CNTN4: variants seen among roughly 807,000 people sequenced by gnomAD.
CNTN4 encodes contactin-4.
Under a neutral mutation model 122.5 loss-of-function variants are expected in CNTN4, and 77 were observed. That is an observed-to-expected ratio of 0.63 (90% CI 0.52 to 0.76). The LOEUF (loss-of-function observed/expected upper bound fraction) is 0.76. Among genes scored for constraint, CNTN4 ranks in the 30% least tolerant of loss-of-function variants. CNTN4 has a pLI of 0.00. For missense variants in CNTN4, 1,256 were observed against 1,259.1 expected (o/e 1.00, Z 0.04); for synonymous variants, 512 against 447.0 (o/e 1.15, Z -1.83).
intron 13 of CNTN4, among the ~76,000 whole-genome samples, chr3:2,953,517 C>A (rs1277609960): frequency 1.3e-5 from 2 of 151,878 alleles, no homozygotes; most frequent in Non-Finnish European, 2.9e-5. Flanking sequence ...CTAAACTGAC[C>A]CGGGGCACAG....
chr3:2,743,547 A>G (rs1025485958), intron 5 of CNTN4, among the ~76,000 whole-genome samples: 2 of 152,178 alleles, frequency 1.3e-5, no homozygotes, highest in South Asian at 2.1e-4. Context: ...ATGAATAAAC[A>G]TGTGTTGCTA....
chr3:2,833,958 G>A (rs922206130), intron 7 of CNTN4, among the ~76,000 whole-genome samples: 8 of 151,984 alleles, frequency 5.3e-5, no homozygotes, highest in East Asian at 1.9e-4. Flanking sequence ...TGGCTAACAC[G>A]GTGAAACCCC....
intron 10 of CNTN4, among the ~76,000 whole-genome samples, chr3:2,890,897 T>C (rs1198330197): frequency 3.9e-5 from 6 of 152,232 alleles, no homozygotes; most frequent in African/African-American, 1.4e-4. Flanking sequence ...AAAAACTTCC[T>C]AAAAATAGAT....
intron 2 of CNTN4, among the ~76,000 whole-genome samples, chr3:2,272,496 G>C (rs987004437): frequency 1.1e-4 from 16 of 152,042 alleles, no homozygotes; most frequent in African/African-American, 3.9e-4. Context: ...TGTGTAGTTT[G>C]GTTGTCTTAC....
At chr3:2,868,237 A>G (rs2093745951) in intron 8 of CNTN4, among the ~76,000 whole-genome samples, 2 of 152,318 alleles carry the variant, frequency 1.3e-5, no homozygotes, top group Admixed American at 1.3e-4. Flanking sequence ...AATCAATTAT[A>G]TGATAAACAT....
intron 4 of CNTN4, among the ~76,000 whole-genome samples, chr3:2,572,492 G>T (rs1402206323): frequency 6.6e-6 from 1 of 152,206 alleles, no homozygotes; most frequent in African/African-American, 2.4e-5. Flanking sequence ...TCATTCAAGT[G>T]CTGGTGCATC....
At position 2,326,522 on chromosome 3, in the gene CNTN4, A is replaced by T. The variant is rs987934941; in HGVS notation, c.-144-12656A>T. Among the ~76,000 whole-genome samples, 264 of 106,974 alleles carry T rather than the reference A, an allele frequency of 2.5e-3. 1 individual carries two copies. The highest frequency in any genetic ancestry group is 7.0e-3 in the African/African-American group (244 of 35,002). The allele number at this position is 106,974 out of a possible 152,430, so 70.2% of individuals were successfully genotyped here. A position where few individuals can be genotyped will look rare whatever the true frequency, so the allele number is the denominator to read the frequency against. On this transcript the variant is annotated intron_variant, in intron 2 of 24. Transcript: ENST00000418658. ...CACACACACACACACACACACACAC[A>T]CACACAATCTTACTGATTCTGTTTC... is the stretch of plus-strand genomic sequence containing the variant.
chr3:2,692,714 A>G (rs916006531), intron 4 of CNTN4, among the ~76,000 whole-genome samples: 3 of 152,150 alleles, frequency 2.0e-5, no homozygotes, highest in Non-Finnish European at 2.9e-5. Flanking sequence ...AGAAAGGGAA[A>G]TAGCTTTATA....
intron 3 of CNTN4, among the ~76,000 whole-genome samples, chr3:2,414,192 C>T (rs2047329971): frequency 1.3e-5 from 2 of 152,176 alleles, no homozygotes; most frequent in Admixed American, 6.5e-5. Context: ...AGGTCCATGG[C>T]TTTCATAGAC....
intron 13 of CNTN4, among the ~76,000 whole-genome samples, chr3:2,940,344 G>T (rs1393041199): frequency 1.3e-5 from 2 of 152,184 alleles, no homozygotes; most frequent in Non-Finnish European, 2.9e-5. Context: ...GACCACAAAT[G>T]ATATATATTT....
In CNTN4 at chr3:3,017,522, C is replaced by T. The variant is rs9839973; in HGVS notation, c.1487-8580C>T. On this transcript the variant is annotated intron_variant, in intron 14 of 24. Coordinates refer to ENST00000418658, the MANE Select transcript of CNTN4 (RefSeq NM_175607.3). The stretch of plus-strand genomic sequence containing the variant: ...AAATCAGGACTTGGAGCTGAGCTCC[C>T]TTCCAGGAACCTGGGGCAGACAAAA... Among the ~76,000 whole-genome samples the T allele has an allele frequency of 8.2e-3, 1,248 of 152,306 alleles. 15 individuals are homozygous for T. The highest frequency in any genetic ancestry group is 0.028 in the African/African-American group (1,174 of 41,540).
chr3:2,196,480 C>G (rs2037837164), intron 2 of CNTN4, among the ~76,000 whole-genome samples: 1 of 152,160 alleles, frequency 6.6e-6, no homozygotes, highest in African/African-American at 2.4e-5. Flanking sequence ...ATTTCTTCAT[C>G]ACTTAATTAT....
chr3:2,836,097 T>C (rs371228870), intron 7 of CNTN4, among the ~76,000 whole-genome samples: 53 of 152,216 alleles, frequency 3.5e-4, no homozygotes, highest in African/African-American at 1.3e-3. Flanking sequence ...AACTCTATGA[T>C]CATTTAAACA....
At chr3:2,618,515 C>G (rs1481947830) in intron 4 of CNTN4, among the ~76,000 whole-genome samples, 2 of 152,046 alleles carry the variant, frequency 1.3e-5, no homozygotes, top group Non-Finnish European at 2.9e-5. Flanking sequence ...TATATACACA[C>G]TCACTTCATT....
rs1032415802 is a variant in CNTN4, at chr3:2,567,120, C to T, written c.-88-4296C>T. Among the ~76,000 whole-genome samples, 15 of 140,512 alleles carry T rather than the reference C, an allele frequency of 1.1e-4. No individual in the cohort carries two copies. The South Asian group carries it at 2.8e-3, about 26-fold the overall frequency. 92.2% of individuals were successfully genotyped at this position (140,512 alleles called of 152,430 possible). On this transcript the variant is annotated intron_variant, in intron 3 of 24. Coordinates refer to ENST00000418658, the MANE Select transcript of CNTN4 (RefSeq NM_175607.3). The stretch of plus-strand genomic sequence containing the variant: ...TCTTTTTTTCAGACGGAGTCTTGCT[C>T]ATTGTCCAGGCTGGAGTGCAGTGAT...
chr3:2,852,176 A>G (rs2093560180), intron 7 of CNTN4, among the ~76,000 whole-genome samples: 1 of 152,188 alleles, frequency 6.6e-6, no homozygotes, highest in Non-Finnish European at 1.5e-5. Flanking sequence ...ATACATGATC[A>G]CAAGATTTAA....
At chr3:2,616,232 G>A (rs773263107) in intron 4 of CNTN4, among the ~76,000 whole-genome samples, 44 of 151,662 alleles carry the variant, frequency 2.9e-4, no homozygotes, top group Non-Finnish European at 5.4e-4. Context: ...ACTTATGAGT[G>A]AGAACATGCG....
chr3:2,880,128 G>A (rs922356772), intron 8 of CNTN4, among the ~76,000 whole-genome samples: 1 of 152,210 alleles, frequency 6.6e-6, no homozygotes, highest in Non-Finnish European at 1.5e-5. Context: ...TTTCAAACAA[G>A]GTTGTGTGAC....
At chr3:3,012,124 C>T (rs921350839) in intron 14 of CNTN4, among the ~76,000 whole-genome samples, 3 of 152,130 alleles carry the variant, frequency 2.0e-5, no homozygotes, top group African/African-American at 7.2e-5. Flanking sequence ...TAGCTACTTC[C>T]AGTCTGTAAG....
Sources: gnomAD v4.1 joint callset for allele counts (sites outside exome capture counted in the v4.1 genomes callset) on GRCh38, gnomAD v4.1.1 for gene constraint, MANE v1.5 for transcripts, NCBI Gene and HGNC (gene_info 2026-07-23, HGNC 2026-07-21) for gene names.